Variants in EPN2 observed in about 807,000 individuals in gnomAD.
EPN2 encodes the protein epsin 2.
A neutral mutation model predicts 61.7 loss-of-function variants in EPN2; 34 were observed. The ratio of observed to expected loss-of-function variants is 0.55; its 90% confidence interval spans 0.42 to 0.73. EPN2 has a LOEUF of 0.73. Among genes scored for constraint, EPN2 ranks in the 30% least tolerant of loss-of-function variants. The probability of loss-of-function intolerance (pLI) is 0.00; values close to 1 mark genes in which losing one functional copy is unlikely to be tolerated. For synonymous variants in EPN2, 349 were observed against 353.6 expected (o/e 0.99, Z 0.15); for missense variants, 714 against 839.2 (o/e 0.85, Z 1.84).
chr17:19,256,648 C>T (rs935167278), intron 1 of EPN2, among the ~76,000 whole-genome samples: 3 of 152,050 alleles, frequency 2.0e-5, no homozygotes, highest in Admixed American at 1.3e-4. Context: ...GGTGGCACCC[C>T]GTGGGAAAGC....
rs561364949 is a variant in EPN2 at position 19,322,705 on chromosome 17, G to A, written c.1148-6006G>A. Among the ~76,000 whole-genome samples, 4 of 148,824 alleles carry A rather than the reference G, an allele frequency of 2.7e-5. No homozygotes were observed. The East Asian group carries it at 5.9e-4, about 22-fold the overall frequency. On this transcript the variant is annotated intron_variant, in intron 7 of 10. Coordinates refer to ENST00000314728, the MANE Select transcript of EPN2 (RefSeq NM_014964.5). ...CAGTGAGCTGTGATTGCACCACTGC[G>A]CTCCAGCCTAGGTGACAGAGCAAGA...
chr17:19,257,936 A>G (rs1246176557), intron 1 of EPN2: 1 of 152,442 alleles, frequency 6.6e-6, no homozygotes, highest in Non-Finnish European at 1.5e-5. Context: ...GGAAGAGGTC[A>G]GCTGCCCCCT....
intron 1 of EPN2, among the ~76,000 whole-genome samples, chr17:19,242,765 A>G (rs528054204): frequency 1.3e-5 from 2 of 152,372 alleles, no homozygotes; most frequent in South Asian, 4.1e-4. Context: ...TATATAGAAC[A>G]GGGAAAAGTA....
Position 19,324,389 on chromosome 17 carries a change from G to A in EPN2, c.1148-4322G>A, listed in dbSNP as rs140568637. Among the ~76,000 whole-genome samples, 46 of 152,270 alleles carry A rather than the reference G, an allele frequency of 3.0e-4. No individual in the cohort carries two copies. In the East Asian group the frequency reaches 8.5e-3, roughly 28 times the overall value. The stretch of plus-strand genomic sequence containing the variant: ...GTTCTTGTTGCCCAGGCTGGAGTGC[G>A]ATGGCGTGATCTCAGCTCACTGTAA... On this transcript the variant is annotated intron_variant, in intron 7 of 10. Coordinates refer to ENST00000314728, the MANE Select transcript of EPN2 (RefSeq NM_014964.5).
intron 4 of EPN2, among the ~76,000 whole-genome samples, chr17:19,294,537 G>T (rs1392338513): frequency 6.6e-6 from 1 of 152,222 alleles, no homozygotes; most frequent in Non-Finnish European, 1.5e-5. Context: ...TGTAGTATAG[G>T]TAAACAAACT....
chr17:19,277,457 T>C (rs1445034720), intron 1 of EPN2, among the ~76,000 whole-genome samples: 2 of 148,452 alleles, frequency 1.3e-5, no homozygotes, highest in Non-Finnish European at 3.0e-5. Flanking sequence ...GAGGGTGGTA[T>C]ATGTTTGGAG....
intron 7 of EPN2, among the ~76,000 whole-genome samples, chr17:19,327,757 A>G (rs1906951298): frequency 6.6e-6 from 1 of 152,196 alleles, no homozygotes; most frequent in South Asian, 2.1e-4. Context: ...AATAGGCACA[A>G]CTAACTAAAG....
At position 19,283,406 on chromosome 17, in the gene EPN2, G is replaced by C. The variant is rs2045376320; in HGVS notation, c.287G>C (p.Cys96Ser). The C allele has an allele frequency of 1.2e-6, 2 of 1,614,086 alleles. No individual in the cohort carries two copies. The highest frequency in any genetic ancestry group is 3.3e-5 in the Admixed American group (2 of 60,002). The stretch of plus-strand genomic sequence containing the variant: ...GGCTCCGAACGTGTGGCCCAGCAGT[G>C]CCGGGAGAACATCTTCGCCATCCAG... ...KTGSERVAQQ[C>S]RENIFAIQTL... is the part of the protein sequence containing the mutation. The change falls in exon 3 of 11, where the codon TGC becomes TCC. Residue 96 changes from cysteine to serine, a missense_variant. Around this residue, in one of 2 missense-constraint regions of EPN2, gnomAD observed 304 missense variants for 417.4 expected, o/e 0.73. Coordinates refer to ENST00000314728, the MANE Select transcript of EPN2 (RefSeq NM_014964.5). The surrounding 1 kb of genome is among the most constrained non-coding windows in gnomAD (Gnocchi z 7.0).
At chr17:19,266,006 G>A (rs990241474) in intron 1 of EPN2, among the ~76,000 whole-genome samples, 13 of 152,018 alleles carry the variant, frequency 8.6e-5, no homozygotes, top group African/African-American at 3.1e-4. Flanking sequence ...TTCAGGCTCT[G>A]GACTCTGCTC....
At chr17:19,306,129 G>C (rs979282630) in intron 4 of EPN2, 1 of 152,286 alleles carries the variant, frequency 6.6e-6, no homozygotes, top group East Asian at 1.9e-4. Flanking sequence ...CAATGAGAGA[G>C]TGGCACATCC....
At chr17:19,293,916 C>T (rs986216897) in intron 4 of EPN2, among the ~76,000 whole-genome samples, 1 of 151,782 alleles carries the variant, frequency 6.6e-6, no homozygotes, top group African/African-American at 2.4e-5. Flanking sequence ...GGTGAAACCC[C>T]TGTCTCTACC....
chr17:19,328,760 C>T lies in EPN2; in HGVS notation c.1197C>T (p.Ala399=), dbSNP rs1260125262. 1 of 1,613,310 alleles carries T rather than the reference C, an allele frequency of 6.2e-7. No individual in the cohort carries two copies. Among genetic ancestry groups the T allele is most frequent in the South Asian group, 1.1e-5 (1 of 90,944 alleles). Reference sequence around the variant, plus strand: ...ACCCATGGGGGGTGCCCACTGGAGCCACCGTACAATCTGTCCCCAAGAACT... The same window carrying T: ...ACCCATGGGGGGTGCCCACTGGAGCTACCGTACAATCTGTCCCCAAGAACT... The part of the protein sequence containing the change: ...SIDPWGVPTG[A]TVQSVPKNSD... Residue 399 remains alanine, a synonymous_variant, in exon 8 of 11, where the codon GCC becomes GCT. Transcript: ENST00000314728.
At chr17:19,320,424 G>T (rs1053094663) in intron 7 of EPN2, among the ~76,000 whole-genome samples, 2 of 152,184 alleles carry the variant, frequency 1.3e-5, no homozygotes, top group African/African-American at 4.8e-5. Context: ...TTGTAAGTCT[G>T]AGCTGGGTGC....
intron 4 of EPN2, among the ~76,000 whole-genome samples, chr17:19,303,114 G>A (rs1905615861): frequency 6.6e-6 from 1 of 152,240 alleles, no homozygotes; most frequent in South Asian, 2.1e-4. Context: ...GGGGCAGGAT[G>A]AGAGGAGTAG....
At chr17:19,240,936 G>T (rs1056465739) in intron 1 of EPN2, among the ~76,000 whole-genome samples, 4 of 152,140 alleles carry the variant, frequency 2.6e-5, no homozygotes, top group African/African-American at 7.2e-5. Context: ...CTGTTCTGTC[G>T]CACTGTTGCT....
chr17:19,269,268 A>G (rs936026154), intron 1 of EPN2, among the ~76,000 whole-genome samples: 16 of 152,234 alleles, frequency 1.1e-4, no homozygotes, highest in African/African-American at 3.9e-4. Context: ...TCAGTGTTGC[A>G]CAGTAAATAA....
chr17:19,307,956 A>C (rs1484844834), intron 4 of EPN2: 1 of 985,292 alleles, frequency 1.0e-6, no homozygotes, highest in Non-Finnish European at 1.2e-6. Context: ...GAAAACCCTA[A>C]GAAGCAAATT....
At chr17:19,274,163 A>G (rs2045283813) in intron 1 of EPN2, 1 of 152,586 alleles carries the variant, frequency 6.6e-6, no homozygotes, top group African/African-American at 2.4e-5. Context: ...GGACACCATG[A>G]CACTGACTCC....
At position 19,312,110 on chromosome 17, in the gene EPN2, G is replaced by A. The variant is rs1041110878; in HGVS notation, c.938G>A (p.Arg313Gln). ...TTACAGATGGCCCTGGAAGAAAGCC[G>A]AAGGGACACAGTTAAAATTCCAAAA... ...LRLQMALEES[R>Q]RDTVKIPKKK... is the part of the protein sequence containing the mutation. The change falls in exon 6 of 11, where the codon CGA becomes CAA. Residue 313 changes from arginine (R) to glutamine (Q), a missense_variant. Transcript: ENST00000314728. 4.3e-6 allele frequency: 7 copies of A among 1,614,014 alleles called. No homozygotes were observed. The highest frequency in any genetic ancestry group is 1.1e-5 in the South Asian group (1 of 91,092).
Sources: allele counts gnomAD v4.1 joint callset (sites outside exome capture counted in the v4.1 genomes callset), GRCh38; gene constraint gnomAD v4.1.1; regional missense constraint gnomAD v4.1.1; non-coding constraint Gnocchi (gnomAD v3.1); transcripts MANE v1.5; gene names NCBI Gene and HGNC (gene_info 2026-07-23, HGNC 2026-07-21).